Variants in SHOC2 observed in about 807,000 individuals in gnomAD.
The protein encoded by SHOC2 is leucine-rich repeat protein SHOC-2.
In SHOC2, 4 loss-of-function variants were observed where a neutral mutation model predicts 50.2. The observed-to-expected ratio is 0.08, with a 90% CI of 0.04 to 0.18. The LOEUF (loss-of-function observed/expected upper bound fraction) is 0.18. SHOC2 is among the 10% of genes least tolerant of loss of function. SHOC2 has a pLI of 1.00. For missense variants in SHOC2, 388 were observed against 669.6 expected (o/e 0.58, Z 4.64); for synonymous variants, 218 against 244.5 (o/e 0.89, Z 1.01).
chr10:110,980,673 T>C (rs141966335), intron 2 of SHOC2, among the ~76,000 whole-genome samples: 14 of 152,308 alleles, frequency 9.2e-5, no homozygotes, highest in Admixed American at 3.3e-4. Context: ...TATTATCTGG[T>C]CAAAATGGTC....
chr10:110,959,269 T>C (rs919950652), intron 1 of SHOC2, among the ~76,000 whole-genome samples: 8 of 152,198 alleles, frequency 5.3e-5, no homozygotes, highest in African/African-American at 1.9e-4. Context: ...TGAGTATCAG[T>C]GATCATCAGA....
chr10:110,941,835 A>G (rs890330760), intron 1 of SHOC2, among the ~76,000 whole-genome samples: 1 of 152,118 alleles, frequency 6.6e-6, no homozygotes, highest in African/African-American at 2.4e-5. Flanking sequence ...ACGAATTACT[A>G]GTATTTGAAG....
At chr10:110,933,989 A>G (rs1054280733) in intron 1 of SHOC2, among the ~76,000 whole-genome samples, 17 of 152,330 alleles carry the variant, frequency 1.1e-4, no homozygotes, top group African/African-American at 4.1e-4. Context: ...TTTTGTTTGA[A>G]TACCACAAAC....
At chr10:110,930,735 C>CTTTTTTTTTTTTTTTTTTTT (rs772553111) in intron 1 of SHOC2, among the ~76,000 whole-genome samples, 2 of 96,798 alleles carry the variant, frequency 2.1e-5, no homozygotes, top group African/African-American at 6.8e-5. Context: ...ACGAGTAAAT[C>CTTTTTTTTTTTTTTTTTTTT]TTTTTTTTTT....
intron 8 of SHOC2, 120 bp downstream of exon 8, chr10:111,009,950 G>A (rs1391584685): frequency 1.5e-6 from 1 of 678,456 alleles, no homozygotes; most frequent in Non-Finnish European, 2.6e-6. Context: ...TCAGGCTTAA[G>A]ATTTTTTTTT....
chr10:110,992,418 A>G (rs992517332), intron 3 of SHOC2, among the ~76,000 whole-genome samples: 5 of 152,362 alleles, frequency 3.3e-5, no homozygotes, highest in African/African-American at 1.2e-4. Flanking sequence ...GCTTTATTCC[A>G]ACAGTTATTT....
At chr10:110,960,715 G>A (rs1014010958) in intron 1 of SHOC2, among the ~76,000 whole-genome samples, 8 of 152,210 alleles carry the variant, frequency 5.3e-5, no homozygotes, top group Middle Eastern at 3.4e-3. Flanking sequence ...TCTCTCTGTC[G>A]CCCAGGCTAG....
At chr10:110,932,214 G>A (rs1166167402) in intron 1 of SHOC2, among the ~76,000 whole-genome samples, 1 of 152,186 alleles carries the variant, frequency 6.6e-6, no homozygotes, top group Admixed American at 6.5e-5. Flanking sequence ...AGTGCAAGAT[G>A]GGAAGTATTA....
At chr10:110,976,163 G>A (rs759057837) in intron 2 of SHOC2, among the ~76,000 whole-genome samples, 5 of 152,054 alleles carry the variant, frequency 3.3e-5, no homozygotes, top group Non-Finnish European at 7.4e-5. Flanking sequence ...GCCTGCCTCG[G>A]CCTCTCAAAG....
intron 1 of SHOC2, among the ~76,000 whole-genome samples, chr10:110,934,913 G>A (rs1193162104): frequency 1.3e-5 from 2 of 152,014 alleles, no homozygotes; most frequent in African/African-American, 4.8e-5. Flanking sequence ...GATATAGAAA[G>A]GTAAAGTAAA....
chr10:110,946,231 T>G (rs1224866884), intron 1 of SHOC2, among the ~76,000 whole-genome samples: 1 of 152,050 alleles, frequency 6.6e-6, no homozygotes, highest in Non-Finnish European at 1.5e-5. Flanking sequence ...ATTTTTCATT[T>G]TAGTTTTACT....
intron 1 of SHOC2, chr10:110,937,249 G>C: frequency 1.0e-6 from 1 of 995,540 alleles, no homozygotes; most frequent in Non-Finnish European, 1.6e-6. Flanking sequence ...GCTGCCCCTT[G>C]GGAAAGCTGC....
At chr10:110,966,231 A>C (rs1847672933) in intron 2 of SHOC2, among the ~76,000 whole-genome samples, 1 of 152,086 alleles carries the variant, frequency 6.6e-6, no homozygotes, top group African/African-American at 2.4e-5. Context: ...GTTTAATTTA[A>C]TGTGTTTAGA....
Position 111,011,866 on chromosome 10 carries a change from A to G in SHOC2, c.*48A>G. ...ACTGTTCAAAAATAGACTGCCATTA[A>G]TGTTTCTTATCTATATCTGTATCTA... On this transcript the variant is annotated 3_prime_UTR_variant, in exon 9 of 9. Transcript: ENST00000369452. The G allele has an allele frequency of 2.9e-6, 4 of 1,387,470 alleles. No individual in the cohort carries two copies. The highest frequency in any genetic ancestry group is 4.1e-6 in the Non-Finnish European group (4 of 974,718). The allele number at this position is 1,387,470 out of a possible 1,614,324, so 85.9% of individuals were successfully genotyped here.
intron 2 of SHOC2, among the ~76,000 whole-genome samples, chr10:110,977,309 T>A (rs1296376228): frequency 6.6e-6 from 1 of 152,178 alleles, no homozygotes; most frequent in African/African-American, 2.4e-5. Context: ...TGGAGTGCAA[T>A]GGTGTGATCT....
chr10:110,953,450 CTT>C (rs1288170439), intron 1 of SHOC2, among the ~76,000 whole-genome samples: 1 of 152,026 alleles, frequency 6.6e-6, no homozygotes, highest in Non-Finnish European at 1.5e-5. Flanking sequence ...TCTTTTGTGT[CTT>C]TTTGTGGCTT....
Position 110,969,443 on chromosome 10 carries a change from G to A in SHOC2, c.703+4382G>A, listed in dbSNP as rs552030178. ...CTCTGTTTATGAGTGGATTAGAGCAGGGGCCACCAGATAGACAGTTTGTAT... is the reference window on the plus strand; with the variant it reads ...CTCTGTTTATGAGTGGATTAGAGCAAGGGCCACCAGATAGACAGTTTGTAT... On this transcript the variant is annotated intron_variant, in intron 2 of 8. Transcript: ENST00000369452. 1.9e-4 allele frequency among the ~76,000 whole-genome samples: 29 copies of A among 152,282 alleles called. No individual in the cohort carries two copies. In the South Asian group the frequency reaches 3.5e-3, roughly 18 times the overall value.
chr10:110,919,608 A>G lies in SHOC2; in HGVS notation c.-284A>G. The G allele has an allele frequency of 2.5e-6, 1 of 395,886 alleles. No homozygotes were observed. The highest frequency in any genetic ancestry group is 4.4e-6 in the Non-Finnish European group (1 of 225,476). 24.5% of individuals were successfully genotyped at this position (395,886 alleles called of 1,614,324 possible). A position where few individuals can be genotyped will look rare whatever the true frequency, so the allele number is the denominator to read the frequency against. On this transcript the variant is annotated 5_prime_UTR_variant, in exon 1 of 9. Transcript: ENST00000369452. Reference sequence around the variant, plus strand: ...GTCGCTTCTTAGGAGGAGGAGGAAGAGGAGGAAGGAGGGCGAGCGAGGAGG... The same window carrying G: ...GTCGCTTCTTAGGAGGAGGAGGAAGGGGAGGAAGGAGGGCGAGCGAGGAGG...
chr10:110,953,234 T>G (rs941886079), intron 1 of SHOC2, among the ~76,000 whole-genome samples: 2 of 152,172 alleles, frequency 1.3e-5, no homozygotes, highest in African/African-American at 2.4e-5. Context: ...GTCTGTTGTT[T>G]CCTTACTTTT....
Sources: gnomAD v4.1 joint callset for allele counts (sites outside exome capture counted in the v4.1 genomes callset) on GRCh38, gnomAD v4.1.1 for gene constraint, MANE v1.5 for transcripts, NCBI Gene and HGNC (gene_info 2026-07-23, HGNC 2026-07-21) for gene names.